The following CACNA1D variants were observed in gnomAD, a reference collection of about 807,000 sequenced individuals.
CACNA1D encodes voltage-dependent L-type calcium channel subunit alpha-1D.
CACNA1D carries 55 observed loss-of-function variants against 257.1 expected under a neutral mutation model. The observed-to-expected ratio is 0.21, with a 90% CI of 0.17 to 0.27. The LOEUF (loss-of-function observed/expected upper bound fraction) is 0.27. CACNA1D is among the 10% of genes least tolerant of loss of function. CACNA1D has a pLI of 1.00. For synonymous variants in CACNA1D, 980 were observed against 1,014.9 expected (o/e 0.97, Z 0.65); for missense variants, 1,876 against 2,784.0 (o/e 0.67, Z 7.34).
Position 53,650,183 on chromosome 3 carries a change from A to G in CACNA1D, c.484-596A>G, listed in dbSNP as rs554493776. ...AGCAGGCAGGGTGTTTGCCATCCTG[A>G]ATTTACTTCCCTTATTGTGTGGATG... On this transcript the variant is annotated intron_variant, in intron 3 of 47. Coordinates refer to ENST00000350061, the MANE Select transcript of CACNA1D (RefSeq NM_001128840.3). Among the ~76,000 whole-genome samples, 3 of 152,320 alleles carry G rather than the reference A, an allele frequency of 2.0e-5. No homozygotes were observed. The South Asian group carries it at 6.2e-4, about 32-fold the overall frequency.
chr3:53,800,188 C>G lies in CACNA1D; in HGVS notation c.4924-61C>G, dbSNP rs2095529020. Reference sequence around the variant, plus strand: ...GAATCAGGAAGGAGCAAAGCCAGGACCCAGGCTGGCCCCAGGGCCCATGTG... The same window carrying G: ...GAATCAGGAAGGAGCAAAGCCAGGAGCCAGGCTGGCCCCAGGGCCCATGTG... On this transcript the variant is annotated intron_variant, in intron 40 of 47. Transcript: ENST00000350061. The surrounding 1 kb of genome is among the most constrained non-coding windows in gnomAD (Gnocchi z 4.3). The G allele has an allele frequency of 5.8e-6, 7 of 1,204,114 alleles. No individual in the cohort carries two copies. In the Admixed American group the frequency reaches 1.0e-4, roughly 17 times the overall value. 74.6% of individuals were successfully genotyped at this position (1,204,114 alleles called of 1,614,324 possible). A position where few individuals can be genotyped will look rare whatever the true frequency, so the allele number is the denominator to read the frequency against.
At chr3:53,721,158 CA>C (rs748095907) in intron 11 of CACNA1D, among the ~76,000 whole-genome samples, 11 of 152,140 alleles carry the variant, frequency 7.2e-5, no homozygotes, top group African/African-American at 1.2e-4. Flanking sequence ...CCACGCTGGC[CA>C]ACATGTTAGA....
intron 3 of CACNA1D, among the ~76,000 whole-genome samples, chr3:53,566,519 C>T (rs943379300): frequency 5.9e-5 from 9 of 152,178 alleles, no homozygotes; most frequent in Non-Finnish European, 1.0e-4. Context: ...TGGCACCTGA[C>T]ACATATTCAC....
In CACNA1D at chr3:53,723,343, G is replaced by A. The variant is rs2094900812; in HGVS notation, c.1667-91G>A. ...GACAAGGTATTGGCGTATTTCCTGT[G>A]GGGCCTGATAGGGAGGGAGGTGTGA... On this transcript the variant is annotated intron_variant, in intron 12 of 47. Coordinates refer to ENST00000350061, the MANE Select transcript of CACNA1D (RefSeq NM_001128840.3). This position sits in a 1 kb window ranked among gnomAD's most constrained non-coding sequence, Gnocchi z 5.6. The A allele has an allele frequency of 4.5e-6, 4 of 898,256 alleles. No homozygotes were observed. Among genetic ancestry groups the A allele is most frequent in the Non-Finnish European group, 7.6e-6 (4 of 529,670 alleles). The allele number at this position is 898,256 out of a possible 1,614,324, so 55.6% of individuals were successfully genotyped here. A position where few individuals can be genotyped will look rare whatever the true frequency, so the allele number is the denominator to read the frequency against.
chr3:53,588,796 T>G (rs529329942), intron 3 of CACNA1D, among the ~76,000 whole-genome samples: 1 of 152,316 alleles, frequency 6.6e-6, no homozygotes, highest in African/African-American at 2.4e-5. Flanking sequence ...GTTAGGAAAT[T>G]TATTTGTGAT....
At chr3:53,527,376 A>G (rs1448265713) in intron 3 of CACNA1D, among the ~76,000 whole-genome samples, 1 of 152,262 alleles carries the variant, frequency 6.6e-6, no homozygotes, top group African/African-American at 2.4e-5. Flanking sequence ...TCATATAGTG[A>G]AAAATAAGAT....
At position 53,660,227 on chromosome 3, in the gene CACNA1D, C is replaced by A; in HGVS notation, c.718C>A (p.Arg240Ser). ...KSGGFDVKAL[R>S]AFRVLRPLRL... ...TGGAGGCTTTGATGTCAAAGCCCTC[C>A]GTGCCTTTCGAGTGTTGCGACCACT... The change falls in exon 5 of 48, where the codon CGT becomes AGT. Residue 240 changes from arginine to serine, a missense_variant. Physicochemically the swap from Arg to Ser is moderately radical, Grantham distance 110. Coordinates refer to ENST00000350061, the MANE Select transcript of CACNA1D (RefSeq NM_001128840.3). The A allele has an allele frequency of 6.2e-7, 1 of 1,613,954 alleles. No individual in the cohort carries two copies. Among genetic ancestry groups the A allele is most frequent in the Non-Finnish European group, 8.5e-7 (1 of 1,179,836 alleles).
chr3:53,811,319 T>A lies in CACNA1D; in HGVS notation c.6399T>A (p.Phe2133Leu), dbSNP rs1233212112. ...GGCAGGACTATGAGCTACAGGACTTTGGTCCTGGCTACAGCGACGAAGAGC... is the reference window on the plus strand; with the variant it reads ...GGCAGGACTATGAGCTACAGGACTTAGGTCCTGGCTACAGCGACGAAGAGC... The part of the protein sequence containing the change: ...SHRQDYELQD[F>L]GPGYSDEEPD... Residue 2133 changes from phenylalanine to leucine, a missense_variant, in exon 48 of 48, where the codon TTT becomes TTA. Around this residue, in one of 10 missense-constraint regions of CACNA1D, gnomAD observed 491 missense variants for 554.3 expected, o/e 0.89. Coordinates refer to ENST00000350061, the MANE Select transcript of CACNA1D (RefSeq NM_001128840.3). This position sits in a 1 kb window ranked among gnomAD's most constrained non-coding sequence, Gnocchi z 4.2. The A allele has an allele frequency of 6.2e-7, 1 of 1,610,838 alleles. No individual in the cohort carries two copies. Among genetic ancestry groups the A allele is most frequent in the Non-Finnish European group, 8.5e-7 (1 of 1,177,804 alleles).
intron 8 of CACNA1D, chr3:53,679,588 G>A (rs2094409962): frequency 6.6e-6 from 1 of 152,210 alleles, no homozygotes; most frequent in African/African-American, 2.4e-5. Context: ...CGGAAGTCCA[G>A]TCTAAAAGGG....
At chr3:53,666,570 C>A in intron 7 of CACNA1D, 35 bp downstream of exon 7, 2 of 1,566,238 alleles carry the variant, frequency 1.3e-6, no homozygotes, top group South Asian at 1.1e-5. Context: ...ATGGAGTGTT[C>A]TTTGCTTGGA....
intron 3 of CACNA1D, among the ~76,000 whole-genome samples, chr3:53,568,718 A>G (rs12630076): frequency 0.3 from 45,371 of 152,132 alleles, 6,942 homozygotes; most frequent in Middle Eastern, 0.39. Flanking sequence ...ACTCTTGTTA[A>G]TATCTCCCAC....
chr3:53,729,494 A>C (rs2094967544), intron 15 of CACNA1D, among the ~76,000 whole-genome samples: 1 of 152,142 alleles, frequency 6.6e-6, no homozygotes, highest in East Asian at 1.9e-4. Flanking sequence ...TTTGTCACAG[A>C]AGGGGGCCTT....
chr3:53,787,425 C>CTGTGTGTGTGTGTGTGTGTGTGTG (rs3217446), intron 40 of CACNA1D, among the ~76,000 whole-genome samples: 64 of 136,236 alleles, frequency 4.7e-4, no homozygotes, highest in African/African-American at 1.4e-3. Context: ...AGTATGTATT[C>CTGTGTGTGTGTGTGTGTGTGTGTG]TGTGTGTGTG....
chr3:53,628,549 G>A (rs185866853), intron 3 of CACNA1D, among the ~76,000 whole-genome samples: 28 of 152,212 alleles, frequency 1.8e-4, no homozygotes, highest in African/African-American at 6.7e-4. Flanking sequence ...TAGGAACTTT[G>A]GTTAAATACA....
In CACNA1D at chr3:53,747,357, C is replaced by T. The variant is rs777765883; in HGVS notation, c.3223C>T (p.Arg1075Trp). The change falls in exon 26 of 48, where the codon CGG becomes TGG. Residue 1075 changes from arginine (R) to tryptophan (W), a missense_variant. Transcript: ENST00000350061. ...TGTTGACAGTCCTGTGGTCCGTGAA[C>T]GGATCTGGCAAAACAGTGATTTCAA... is the stretch of plus-strand genomic sequence containing the variant. ...GDVDSPVVRE[R>W]IWQNSDFNFD... 1.2e-6 allele frequency: 2 copies of T among 1,613,848 alleles called. No homozygotes were observed. The highest frequency in any genetic ancestry group is 1.7e-6 in the Non-Finnish European group (2 of 1,179,708).
At chr3:53,501,321 T>C (rs923011193) in intron 2 of CACNA1D, among the ~76,000 whole-genome samples, 5 of 152,300 alleles carry the variant, frequency 3.3e-5, no homozygotes, top group African/African-American at 1.2e-4. Flanking sequence ...GTGCCCTAAT[T>C]GGATGTACTT....
Position 53,723,403 on chromosome 3 carries a change from C to A in CACNA1D, c.1667-31C>A. On this transcript the variant is annotated intron_variant, in intron 12 of 47. Coordinates refer to ENST00000350061, the MANE Select transcript of CACNA1D (RefSeq NM_001128840.3). The surrounding 1 kb of genome is among the most constrained non-coding windows in gnomAD (Gnocchi z 5.6). ...GCAGTCTGAGTGTCTTGCAGGAGACCCTGAGGATGGGTGCCCCTTTGTCTT... is the reference window on the plus strand; with the variant it reads ...GCAGTCTGAGTGTCTTGCAGGAGACACTGAGGATGGGTGCCCCTTTGTCTT... The A allele has an allele frequency of 6.4e-7, 1 of 1,555,226 alleles. No homozygotes were observed. The highest frequency in any genetic ancestry group is 8.9e-7 in the Non-Finnish European group (1 of 1,126,268).
intron 17 of CACNA1D, among the ~76,000 whole-genome samples, chr3:53,731,392 A>G (rs1228757991): frequency 1.3e-5 from 2 of 152,188 alleles, no homozygotes; most frequent in African/African-American, 2.4e-5. Context: ...TAGTTTGACC[A>G]CTTATGTTTT....
chr3:53,793,178 G>T lies in CACNA1D; in HGVS notation c.4923+6226G>T, dbSNP rs2095492299. ...CCTCCTGAGACTGCTCTGTGACCCA[G>T]CAGCTACAGGTCTAGTGCCTGGCAT... On this transcript the variant is annotated intron_variant, in intron 40 of 47. Coordinates refer to ENST00000350061, the MANE Select transcript of CACNA1D (RefSeq NM_001128840.3). This position sits in a 1 kb window ranked among gnomAD's most constrained non-coding sequence, Gnocchi z 4.1. 6.6e-6 allele frequency among the ~76,000 whole-genome samples: 1 copy of T among 152,246 alleles called. No individual in the cohort carries two copies. Among genetic ancestry groups the T allele is most frequent in the Non-Finnish European group, 1.5e-5 (1 of 68,042 alleles).
Sources: allele counts gnomAD v4.1 joint callset (sites outside exome capture counted in the v4.1 genomes callset), GRCh38; gene constraint gnomAD v4.1.1; regional missense constraint gnomAD v4.1.1; non-coding constraint Gnocchi (gnomAD v3.1); transcripts MANE v1.5; gene names NCBI Gene and HGNC (gene_info 2026-07-23, HGNC 2026-07-21).